PPFIA2: variants seen among roughly 807,000 people sequenced by gnomAD.
PPFIA2 encodes the protein liprin-alpha-2.
PPFIA2 carries 46 observed loss-of-function variants against 175.5 expected under a neutral mutation model. The ratio of observed to expected loss-of-function variants is 0.26; its 90% confidence interval spans 0.21 to 0.34. PPFIA2 has a LOEUF of 0.34. Ranked by LOEUF, PPFIA2 falls within the 10% of genes least tolerant of loss-of-function variation. The pLI is 1.00. For missense variants in PPFIA2, 1,179 were observed against 1,506.1 expected (o/e 0.78, Z 3.60); for synonymous variants, 568 against 511.4 (o/e 1.11, Z -1.49).
At chr12:81,525,486 T>C (rs1472683620) in intron 4 of PPFIA2, among the ~76,000 whole-genome samples, 1 of 152,152 alleles carries the variant, frequency 6.6e-6, no homozygotes, top group East Asian at 1.9e-4. Flanking sequence ...AGGTAACCCC[T>C]AAGAGCTGAG....
intron 4 of PPFIA2, among the ~76,000 whole-genome samples, chr12:81,593,132 C>T (rs1370578259): frequency 6.6e-6 from 1 of 152,106 alleles, no homozygotes; most frequent in South Asian, 2.1e-4. Flanking sequence ...ATTTCAGGTG[C>T]TAATCCTATC....
At chr12:81,445,858 G>A in intron 5 of PPFIA2, 138 bp from the exon 6 acceptor site, 1 of 705,650 alleles carries the variant, frequency 1.4e-6, no homozygotes. Flanking sequence ...CAGCAACAAA[G>A]AAGCACAGAC....
At chr12:81,281,149 A>T in intron 27 of PPFIA2, 108 bp downstream of exon 27, 2 of 833,836 alleles carry the variant, frequency 2.4e-6, no homozygotes. Context: ...GTTTCAAATG[A>T]CATATATTTT....
chr12:81,603,122 G>GA (rs1161396758), intron 4 of PPFIA2, among the ~76,000 whole-genome samples: 7 of 151,836 alleles, frequency 4.6e-5, no homozygotes, highest in African/African-American at 1.7e-4. Context: ...GAATGTAGAG[G>GA]AAAAAATTCA....
chr12:81,348,306 C>A (rs2059415510), intron 17 of PPFIA2, among the ~76,000 whole-genome samples: 1 of 152,058 alleles, frequency 6.6e-6, no homozygotes, highest in South Asian at 2.1e-4. Flanking sequence ...TCATAATTAG[C>A]CAAATAAAAC....
Position 81,413,266 on chromosome 12 carries a change from A to T in PPFIA2, c.646-7363T>A, listed in dbSNP as rs574802580. On this transcript the variant is annotated intron_variant, in intron 7 of 32. Transcript: ENST00000549396. ...GTCAAAAAAAATGATGACAGGCTACATGAATGAAAAAAAAGCATATGAGGA... is the reference window on the plus strand; with the variant it reads ...GTCAAAAAAAATGATGACAGGCTACTTGAATGAAAAAAAAGCATATGAGGA... Among the ~76,000 whole-genome samples the T allele has an allele frequency of 7.9e-5, 12 of 152,000 alleles. No individual in the cohort carries two copies. In the Middle Eastern group the frequency reaches 0.01, roughly 129 times the overall value.
At chr12:81,522,456 A>G (rs1468523688) in intron 4 of PPFIA2, among the ~76,000 whole-genome samples, 2 of 152,214 alleles carry the variant, frequency 1.3e-5, no homozygotes, top group Non-Finnish European at 2.9e-5. Flanking sequence ...AAGGGCTTAT[A>G]CAGAGCGATT....
intron 3 of PPFIA2, among the ~76,000 whole-genome samples, chr12:81,694,505 C>A (rs1238552944): frequency 6.6e-6 from 1 of 152,156 alleles, no homozygotes; most frequent in Non-Finnish European, 1.5e-5. Flanking sequence ...TGTAGGTGTA[C>A]AGAGTACAGG....
At chr12:81,601,758 G>C (rs2059813954) in intron 4 of PPFIA2, among the ~76,000 whole-genome samples, 1 of 151,316 alleles carries the variant, frequency 6.6e-6, no homozygotes, top group Non-Finnish European at 1.5e-5. Context: ...TGTACCCTTA[G>C]GTACATACAG....
At chr12:81,460,527 T>C (rs1158586515) in intron 4 of PPFIA2, among the ~76,000 whole-genome samples, 1 of 152,118 alleles carries the variant, frequency 6.6e-6, no homozygotes, top group Non-Finnish European at 1.5e-5. Flanking sequence ...GTCCAAAGTA[T>C]AGTATACCTT....
intron 3 of PPFIA2, among the ~76,000 whole-genome samples, chr12:81,697,219 T>C (rs2075995503): frequency 6.6e-6 from 1 of 152,100 alleles, no homozygotes; most frequent in Non-Finnish European, 1.5e-5. Flanking sequence ...TATCAGAAAG[T>C]GTATACACTC....
In PPFIA2 at chr12:81,749,571, T is replaced by C. The variant is rs377028826; in HGVS notation, c.249+4402A>G. ...AATTATTCCCCCATTCTCAAAAATG[T>C]GTAGGATTATTTTGTCAATATTCCT... On this transcript the variant is annotated intron_variant, in intron 3 of 32. Coordinates refer to ENST00000549396, the MANE Select transcript of PPFIA2 (RefSeq NM_003625.5). 6.2e-5 allele frequency among the ~76,000 whole-genome samples: 9 copies of C among 144,418 alleles called. 2 individuals are homozygous for C. The East Asian group carries it at 1.1e-3, about 17-fold the overall frequency. 94.7% of individuals were successfully genotyped at this position (144,418 alleles called of 152,430 possible).
At chr12:81,342,135 G>T (rs1206076857) in intron 19 of PPFIA2, among the ~76,000 whole-genome samples, 3 of 152,160 alleles carry the variant, frequency 2.0e-5, no homozygotes, top group Middle Eastern at 6.8e-3. Context: ...GAACACTTTA[G>T]TACAGAATCC....
intron 7 of PPFIA2, among the ~76,000 whole-genome samples, chr12:81,419,297 T>C (rs994524269): frequency 6.6e-6 from 1 of 152,156 alleles, no homozygotes; most frequent in African/African-American, 2.4e-5. Flanking sequence ...AAAGTAATGA[T>C]GTTTGCAACA....
At chr12:81,668,063 G>T (rs559477484) in intron 4 of PPFIA2, among the ~76,000 whole-genome samples, 1 of 151,916 alleles carries the variant, frequency 6.6e-6, no homozygotes. Flanking sequence ...CCTCCCATGG[G>T]GACATCCCAT....
intron 4 of PPFIA2, among the ~76,000 whole-genome samples, chr12:81,502,879 T>C (rs1002331371): frequency 6.6e-6 from 1 of 152,170 alleles, no homozygotes; most frequent in Non-Finnish European, 1.5e-5. Context: ...TAGTCATCTA[T>C]AATCTAATGC....
At chr12:81,322,549 G>A (rs2053883691) in intron 22 of PPFIA2, among the ~76,000 whole-genome samples, 1 of 152,104 alleles carries the variant, frequency 6.6e-6, no homozygotes, top group Non-Finnish European at 1.5e-5. Flanking sequence ...TTACTGTGAA[G>A]CATTCAAAGA....
Position 81,267,019 on chromosome 12 carries a change from G to A in PPFIA2, c.3488C>T (p.Ala1163Val). Residue 1163 changes from alanine (A) to valine (V), a missense_variant and splice_region_variant, in exon 30 of 33, where the codon GCA becomes GTA. This residue lies in a region of PPFIA2 where 245 missense variants were observed against 375.1 expected (regional missense o/e 0.65). Transcript: ENST00000549396. ...LLQIPTQNTQ[A>V]RQILEREYNN... ...GTATTCTCTTTCAAGAATCTGCCTT[G>A]CCTGTTGACGTCAAATTACAGTTAC... 1 of 1,611,316 alleles carries A rather than the reference G, an allele frequency of 6.2e-7. No homozygotes were observed.
At chr12:81,602,498 C>T (rs2059899982) in intron 4 of PPFIA2, among the ~76,000 whole-genome samples, 1 of 149,578 alleles carries the variant, frequency 6.7e-6, no homozygotes, top group Non-Finnish European at 1.5e-5. Context: ...TTTCTGATTT[C>T]TTCTGCATAT....
Sources: gnomAD v4.1 joint callset for allele counts (sites outside exome capture counted in the v4.1 genomes callset) on GRCh38, gnomAD v4.1.1 for gene constraint, gnomAD v4.1.1 regional missense constraint, MANE v1.5 for transcripts, NCBI Gene and HGNC (gene_info 2026-07-23, HGNC 2026-07-21) for gene names.